The following MCF2L2 variants were observed in gnomAD, a reference collection of about 807,000 sequenced individuals.
MCF2L2 encodes probable guanine nucleotide exchange factor MCF2L2.
Under a neutral mutation model 150.2 loss-of-function variants are expected in MCF2L2, and 102 were observed. The observed-to-expected ratio is 0.68, with a 90% CI of 0.58 to 0.80. MCF2L2 has a LOEUF of 0.80. Ranked by LOEUF, MCF2L2 falls within the 30% of genes least tolerant of loss-of-function variation. The pLI is 0.00. For synonymous variants in MCF2L2, 465 were observed against 491.3 expected, an observed-to-expected ratio of 0.95 and a Z score of 0.71; for missense variants, 1,256 against 1,372.8, an observed-to-expected ratio of 0.91 and a Z score of 1.34.
At chr3:183,230,109 T>C (rs570708088) in intron 16 of MCF2L2, among the ~76,000 whole-genome samples, 91 of 152,284 alleles carry the variant, frequency 6.0e-4, no homozygotes, top group African/African-American at 2.1e-3. Flanking sequence ...ATTACTATTA[T>C]TATTATGATT....
At chr3:183,424,690 C>G (rs927348528) in intron 1 of MCF2L2, among the ~76,000 whole-genome samples, 34 of 152,136 alleles carry the variant, frequency 2.2e-4, no homozygotes, top group African/African-American at 8.0e-4. Flanking sequence ...CTTTGGAATT[C>G]AGAGTCAGGA....
chr3:183,427,378 G>C (rs895380002), intron 1 of MCF2L2, among the ~76,000 whole-genome samples: 24 of 152,194 alleles, frequency 1.6e-4, no homozygotes, highest in Non-Finnish European at 4.4e-5. Context: ...ATCATCAGGG[G>C]TGTGCTTAAC....
chr3:183,335,669 A>G (rs1560027320), intron 5 of MCF2L2, among the ~76,000 whole-genome samples: 1 of 151,526 alleles, frequency 6.6e-6, no homozygotes, highest in Non-Finnish European at 1.5e-5. Flanking sequence ...GGAGTTTGAG[A>G]CCAGTCTGGG....
chr3:183,272,168 A>T lies in MCF2L2; in HGVS notation c.1862+4704T>A, dbSNP rs536792620. 32 of 1,000,300 alleles carry T rather than the reference A, an allele frequency of 3.2e-5. No homozygotes were observed. The African/African-American group carries it at 4.7e-4, about 15-fold the overall frequency. 62.0% of individuals were successfully genotyped at this position (1,000,300 alleles called of 1,614,324 possible). Reference sequence around the variant, plus strand: ...TTTTTAAAGCTGCATGTTCCTTGTAATCAAAGAGATGTGTCTGAGATCTAA... The same window carrying T: ...TTTTTAAAGCTGCATGTTCCTTGTATTCAAAGAGATGTGTCTGAGATCTAA... On this transcript the variant is annotated intron_variant, in intron 15 of 29. Transcript: ENST00000328913.
intron 15 of MCF2L2, among the ~76,000 whole-genome samples, chr3:183,275,529 G>A (rs1051962586): frequency 6.6e-6 from 1 of 152,122 alleles, no homozygotes; most frequent in Non-Finnish European, 1.5e-5. Context: ...AGATATTTTT[G>A]TTTCTTTAGT....
chr3:183,270,735 C>A lies in MCF2L2; in HGVS notation c.1862+6137G>T. The A allele has an allele frequency of 1.2e-6, 2 of 1,613,658 alleles. No individual in the cohort carries two copies. The highest frequency in any genetic ancestry group is 2.2e-5 in the South Asian group (2 of 91,026). On this transcript the variant is annotated intron_variant, in intron 15 of 29. Transcript: ENST00000328913. The surrounding 1 kb of genome is among the most constrained non-coding windows in gnomAD (Gnocchi z 4.5). ...TGGAGAGGGTAAAACTCCTTATCAT[C>A]CCTGCATCTATGAAAAAATGATGAC...
Position 183,309,812 on chromosome 3 carries a change from C to T in MCF2L2, c.1017G>A (p.Leu339=). ...CTGTAAACTCTGCTTGCTCTTCCAG[C>T]AAATTATCCAGGGCAAGCTTAGCCT... ...FCKAKLALDN[L]LEEQAEFTGI... The change falls in exon 10 of 30, where the codon TTG becomes TTA. Residue 339 remains leucine, a synonymous_variant. Transcript: ENST00000328913. 1 of 1,613,918 alleles carries T rather than the reference C, an allele frequency of 6.2e-7. No homozygotes were observed. The highest frequency in any genetic ancestry group is 1.1e-5 in the South Asian group (1 of 91,076).
At chr3:183,277,044 T>G in intron 14 of MCF2L2, 87 bp from the exon 15 acceptor site, 1 of 969,004 alleles carries the variant, frequency 1.0e-6, no homozygotes, top group Non-Finnish European at 1.5e-6. Context: ...TGTGTTTGAT[T>G]TTGGTTTTGA....
chr3:183,384,875 G>A (rs1713745431), intron 2 of MCF2L2, among the ~76,000 whole-genome samples: 1 of 152,088 alleles, frequency 6.6e-6, no homozygotes, highest in South Asian at 2.1e-4. Flanking sequence ...TGCAGATATA[G>A]TATCTATAAA....
At chr3:183,211,327 TTCC>T (rs1722714475) in intron 22 of MCF2L2, among the ~76,000 whole-genome samples, 1 of 152,138 alleles carries the variant, frequency 6.6e-6, no homozygotes, top group Admixed American at 6.5e-5. Context: ...CAGGTCAGCT[TTCC>T]AGTAAGCCCA....
intron 5 of MCF2L2, among the ~76,000 whole-genome samples, chr3:183,337,838 T>C (rs1730548602): frequency 1.3e-5 from 2 of 152,196 alleles, no homozygotes; most frequent in Non-Finnish European, 1.5e-5. Flanking sequence ...GAATTTTCTA[T>C]AAATACTGAT....
At chr3:183,284,592 C>T (rs1163340724) in intron 14 of MCF2L2, among the ~76,000 whole-genome samples, 4 of 151,956 alleles carry the variant, frequency 2.6e-5, no homozygotes, top group African/African-American at 7.3e-5. Flanking sequence ...ATCCCAGCTA[C>T]TCTAGAGGCT....
At chr3:183,325,123 G>T (rs1474924967) in intron 5 of MCF2L2, among the ~76,000 whole-genome samples, 8 of 116,226 alleles carry the variant, frequency 6.9e-5, no homozygotes, top group Non-Finnish European at 1.0e-4. Flanking sequence ...GTTGTGGGGT[G>T]GGGGGAGGGG....
At chr3:183,259,302 T>C (rs1457738029) in intron 15 of MCF2L2, among the ~76,000 whole-genome samples, 2 of 152,118 alleles carry the variant, frequency 1.3e-5, no homozygotes, top group Non-Finnish European at 2.9e-5. Flanking sequence ...GGAGTCCTAG[T>C]GGGGTGGCAG....
intron 5 of MCF2L2, among the ~76,000 whole-genome samples, chr3:183,327,101 C>T (rs539378126): frequency 6.6e-6 from 1 of 152,036 alleles, no homozygotes; most frequent in East Asian, 1.9e-4. Flanking sequence ...CCGAGGCAGG[C>T]AGATCACGAG....
intron 15 of MCF2L2, among the ~76,000 whole-genome samples, chr3:183,265,781 C>T (rs1193382172): frequency 6.6e-6 from 1 of 152,144 alleles, no homozygotes; most frequent in East Asian, 1.9e-4. Context: ...TTTTACCTTT[C>T]CTAAATCTTC....
chr3:183,389,444 C>T (rs1204756618), intron 2 of MCF2L2, among the ~76,000 whole-genome samples: 4 of 152,166 alleles, frequency 2.6e-5, no homozygotes, highest in African/African-American at 9.7e-5. Flanking sequence ...ATCTTTTCAG[C>T]TCTGTTATTT....
intron 3 of MCF2L2, among the ~76,000 whole-genome samples, chr3:183,366,059 A>G (rs1325193510): frequency 6.6e-6 from 1 of 152,182 alleles, no homozygotes; most frequent in Non-Finnish European, 1.5e-5. Flanking sequence ...TCAAAGAAAC[A>G]ATAGTGAAAA....
rs3076579 is a variant in MCF2L2 at position 183,266,760 on chromosome 3, T to TTGATC, written c.1862+10107_1862+10111dup. Among the ~76,000 whole-genome samples, 572 of 152,318 alleles carry TTGATC rather than the reference T, an allele frequency of 3.8e-3. 5 individuals are homozygous for TTGATC. Among genetic ancestry groups the TTGATC allele is most frequent in the African/African-American group, 0.013 (550 of 41,556 alleles). On this transcript the variant is annotated intron_variant, in intron 15 of 29. Transcript: ENST00000328913. ...TGTCCAAAGGGGGAAATTACTGATA[T>TTGATC]TGATCTGTTCCTTAGAGCAGTGTTT...
Sources: gnomAD v4.1 joint callset for allele counts (sites outside exome capture counted in the v4.1 genomes callset) on GRCh38, gnomAD v4.1.1 for gene constraint, Gnocchi (gnomAD v3.1) non-coding constraint, MANE v1.5 for transcripts, NCBI Gene and HGNC (gene_info 2026-07-23, HGNC 2026-07-21) for gene names.